Variants in SPAG17 observed in about 807,000 individuals in gnomAD.
The protein encoded by SPAG17 is sperm associated antigen 17, also known as sperm-associated antigen 17.
Under a neutral mutation model 273.6 loss-of-function variants are expected in SPAG17, and 169 were observed. The observed-to-expected ratio is 0.62, with a 90% CI of 0.55 to 0.70. The LOEUF (loss-of-function observed/expected upper bound fraction) is 0.70. Among genes scored for constraint, SPAG17 ranks in the 30% least tolerant of loss-of-function variants. The pLI, the probability that SPAG17 is intolerant of heterozygous loss-of-function variation, is 0.00. For missense variants in SPAG17, 2,557 were observed against 2,627.8 expected (o/e 0.97, Z 0.59); for synonymous variants, 825 against 873.2 (o/e 0.94, Z 0.97).
chr1:118,094,105 G>A (rs1655560959), intron 7 of SPAG17, among the ~76,000 whole-genome samples: 1 of 152,206 alleles, frequency 6.6e-6, no homozygotes, highest in South Asian at 2.1e-4. Context: ...GAAGTCCAGT[G>A]ACGTGCACAG....
At chr1:117,954,172 T>C in intron 48 of SPAG17, 123 bp from the exon 49 acceptor site, 1 of 1,284,986 alleles carries the variant, frequency 7.8e-7, no homozygotes, top group Non-Finnish European at 1.1e-6. Flanking sequence ...TGTTTTGGGA[T>C]TTATTAACTA....
intron 17 of SPAG17, among the ~76,000 whole-genome samples, chr1:118,068,483 T>C (rs1053261097): frequency 1.3e-5 from 2 of 152,186 alleles, no homozygotes; most frequent in Non-Finnish European, 1.5e-5. Flanking sequence ...TTTTAGATAA[T>C]AAGAGCTTTG....
Position 117,988,165 on chromosome 1 carries a change from G to T in SPAG17, c.5561C>A (p.Ala1854Asp), listed in dbSNP as rs1216813216. 2 of 1,604,688 alleles carry T rather than the reference G, an allele frequency of 1.2e-6. No individual in the cohort carries two copies. The highest frequency in any genetic ancestry group is 1.1e-5 in the South Asian group (1 of 88,694). ...HLTDLFKQSLATPPKCPPDTF... is the reference protein window; with the variant it reads ...HLTDLFKQSLDTPPKCPPDTF... ...GTCTGGTGGGCATTTTGGAGGCGTA[G>T]CCAAAGACTGCTTGAATAAATCAGT... The change falls in exon 39 of 49, where the codon GCT (alanine) becomes GAT (aspartate). Residue 1854 changes from alanine (A) to aspartate (D), a missense_variant. Coordinates refer to ENST00000336338, the MANE Select transcript of SPAG17 (RefSeq NM_206996.4).
chr1:118,025,105 A>C (rs1557922539), intron 27 of SPAG17, 133 bp downstream of exon 27: 2 of 676,538 alleles, frequency 3.0e-6, no homozygotes, highest in African/African-American at 3.7e-5. Flanking sequence ...ATTATTTATC[A>C]TTTGTCATTT....
rs139147668 is a variant in SPAG17 at position 118,147,511 on chromosome 1, C to G, written c.315+3032G>C. 1.5e-3 allele frequency among the ~76,000 whole-genome samples: 225 copies of G among 152,270 alleles called. 3 individuals carry two copies. The highest frequency in any genetic ancestry group is 5.2e-3 in the African/African-American group (217 of 41,556). ...CTCATTCCCACATGAGTTCTTGAAA[C>G]AGTTCCTAGTAGAGCAAAACATGCT... On this transcript the variant is annotated intron_variant, in intron 3 of 48. Transcript: ENST00000336338.
chr1:118,161,206 T>C (rs1168258219), intron 1 of SPAG17, among the ~76,000 whole-genome samples: 2 of 152,306 alleles, frequency 1.3e-5, no homozygotes, highest in South Asian at 2.1e-4. Flanking sequence ...TTAACATCAG[T>C]GGCCCTGACT....
At chr1:118,017,508 T>C (rs1208764262) in intron 28 of SPAG17, among the ~76,000 whole-genome samples, 1 of 152,148 alleles carries the variant, frequency 6.6e-6, no homozygotes, top group African/African-American at 2.4e-5. Context: ...GAGGGGACTT[T>C]AGCAGTACGT....
At chr1:118,004,044 G>T (rs139070853) in intron 32 of SPAG17, among the ~76,000 whole-genome samples, 51 of 152,292 alleles carry the variant, frequency 3.3e-4, no homozygotes, top group African/African-American at 1.2e-3. Flanking sequence ...CTTTCTGTTT[G>T]TTACTTTTCC....
chr1:118,032,660 C>G (rs746870304), intron 24 of SPAG17, among the ~76,000 whole-genome samples: 1 of 151,704 alleles, frequency 6.6e-6, no homozygotes, highest in Admixed American at 6.6e-5. Flanking sequence ...AGTGGTGCAA[C>G]CTCGGCTCAC....
chr1:118,137,563 G>C (rs901514317), intron 3 of SPAG17, among the ~76,000 whole-genome samples: 1 of 152,190 alleles, frequency 6.6e-6, no homozygotes, highest in Non-Finnish European at 1.5e-5. Flanking sequence ...CAGTTTTTCT[G>C]AGTAAGAGTT....
At chr1:117,994,623 G>C (rs920575376) in intron 34 of SPAG17, 93 bp from the exon 35 acceptor site, 94 of 1,339,266 alleles carry the variant, frequency 7.0e-5, no homozygotes, top group Non-Finnish European at 9.4e-5. Context: ...AGCTCTTTTT[G>C]AACAGACTTA....
chr1:118,048,813 T>A (rs1008960258), intron 20 of SPAG17, among the ~76,000 whole-genome samples: 3 of 152,060 alleles, frequency 2.0e-5, no homozygotes, highest in Non-Finnish European at 4.4e-5. Context: ...CAAGAATTGC[T>A]TAAACCCAGG....
chr1:118,003,540 T>C (rs1571209855), intron 32 of SPAG17, among the ~76,000 whole-genome samples: 1 of 151,924 alleles, frequency 6.6e-6, no homozygotes, highest in South Asian at 2.1e-4. Flanking sequence ...CTAAATTTCT[T>C]TTCTCACTTT....
intron 30 of SPAG17, among the ~76,000 whole-genome samples, chr1:118,009,248 A>AAC (rs55873088): frequency 0.11 from 15,326 of 142,576 alleles, 1,266 homozygotes; most frequent in African/African-American, 0.23. Flanking sequence ...AGGTGCTCAT[A>AAC]ACACACACAC....
chr1:118,043,407 T>A (rs567512796), intron 20 of SPAG17, among the ~76,000 whole-genome samples: 5 of 152,266 alleles, frequency 3.3e-5, no homozygotes, highest in Non-Finnish European at 5.9e-5. Context: ...CTGTTAAACA[T>A]GACCATCATC....
In SPAG17 at chr1:117,954,905, T is replaced by A. The variant is rs74114929; in HGVS notation, c.*1-856A>T. ...AGTGTCCAAAGCCCTCTGAAGATTC[T>A]GTTAATCTAAATTAACTTTTGAATC... is the stretch of plus-strand genomic sequence containing the variant. On this transcript the variant is annotated intron_variant, in intron 48 of 48. Transcript: ENST00000336338. Among the ~76,000 whole-genome samples, 122 of 152,270 alleles carry A rather than the reference T, an allele frequency of 8.0e-4. 1 individual carries two copies. The highest frequency in any genetic ancestry group is 6.8e-3 in the Middle Eastern group (2 of 294).
chr1:118,101,309 C>G (rs1190476752), intron 5 of SPAG17, among the ~76,000 whole-genome samples: 1 of 152,060 alleles, frequency 6.6e-6, no homozygotes, highest in Admixed American at 6.6e-5. Context: ...TTCCCAGCTA[C>G]TGGGGAGGCT....
chr1:117,959,091 C>A lies in SPAG17; in HGVS notation c.*4708G>T. 3 of 1,341,406 alleles carry A rather than the reference C, an allele frequency of 2.2e-6. No individual in the cohort carries two copies. In the South Asian group the frequency reaches 4.0e-5, roughly 18 times the overall value. The allele number at this position is 1,341,406 out of a possible 1,614,324, so 83.1% of individuals were successfully genotyped here. ...ATAGTATGCTGTGCTTTGTCTTTAGCAATACCCACCACCGATAAATCCATA... is the reference window on the plus strand; with the variant it reads ...ATAGTATGCTGTGCTTTGTCTTTAGAAATACCCACCACCGATAAATCCATA... On this transcript the variant is annotated intron_variant, in intron 48 of 48. Coordinates refer to ENST00000336338, the MANE Select transcript of SPAG17 (RefSeq NM_206996.4).
intron 13 of SPAG17, among the ~76,000 whole-genome samples, chr1:118,084,804 T>A (rs1215502107): frequency 6.6e-6 from 1 of 152,110 alleles, no homozygotes; most frequent in Non-Finnish European, 1.5e-5. Context: ...GAGACCAGAA[T>A]GTTTTCTTTT....
Sources: gnomAD v4.1 joint callset for allele counts (sites outside exome capture counted in the v4.1 genomes callset) on GRCh38, gnomAD v4.1.1 for gene constraint, MANE v1.5 for transcripts, NCBI Gene and HGNC (gene_info 2026-07-23, HGNC 2026-07-21) for gene names.